Variants in ACBD5 observed in about 807,000 individuals in gnomAD.
ACBD5 encodes the protein acyl-CoA-binding domain-containing protein 5.
A neutral mutation model predicts 71.8 loss-of-function variants in ACBD5; 40 were observed. The observed-to-expected ratio is 0.56, with a 90% CI of 0.43 to 0.72. The LOEUF is 0.72. ACBD5 is among the 30% of genes least tolerant of loss of function. The probability of loss-of-function intolerance (pLI) is 0.00; values close to 1 mark genes in which losing one functional copy is unlikely to be tolerated. For missense variants in ACBD5, 559 were observed against 644.5 expected, an observed-to-expected ratio of 0.87 and a Z score of 1.44; for synonymous variants, 229 against 218.6, an observed-to-expected ratio of 1.05 and a Z score of -0.42.
At chr10:27,189,038 A>G (rs2058941332) in intron 13 of ACBD5, among the ~76,000 whole-genome samples, 1 of 152,232 alleles carries the variant, frequency 6.6e-6, no homozygotes, top group African/African-American at 2.4e-5. Flanking sequence ...AAGGCAGGAT[A>G]TAACTTCTCC....
chr10:27,214,666 T>G (rs2061439812), intron 8 of ACBD5, among the ~76,000 whole-genome samples: 1 of 152,248 alleles, frequency 6.6e-6, no homozygotes, highest in South Asian at 2.1e-4. Flanking sequence ...TACTGGATCT[T>G]AATTAACTGA....
intron 6 of ACBD5, among the ~76,000 whole-genome samples, chr10:27,219,367 T>C (rs909681862): frequency 2.0e-5 from 3 of 152,146 alleles, no homozygotes; most frequent in African/African-American, 7.2e-5. Flanking sequence ...CATTCTATTT[T>C]TGGTAAGATA....
chr10:27,215,298 T>C (rs1038598210), intron 8 of ACBD5, among the ~76,000 whole-genome samples: 3 of 152,138 alleles, frequency 2.0e-5, no homozygotes, highest in Admixed American at 6.5e-5. Context: ...TTTATAAATA[T>C]ATGTATATTA....
rs1292542514 is a variant in ACBD5, at chr10:27,211,013, G to T, written c.1005C>A (p.Pro335=). 6.2e-7 allele frequency: 1 copy of T among 1,614,018 alleles called. No individual in the cohort carries two copies. ...QYYLGGHSSQ[P]MENSGFREDI... The stretch of plus-strand genomic sequence containing the variant: ...CTTCACGAAATCCAGAATTTTCCAT[G>T]GGTTGACTGGAATGACCACCCAAGT... The change falls in exon 9 of 13, where the codon CCC becomes CCA. Residue 335 remains proline, a synonymous_variant. Coordinates refer to ENST00000396271, the MANE Select transcript of ACBD5 (RefSeq NM_145698.5).
intron 13 of ACBD5, among the ~76,000 whole-genome samples, chr10:27,185,786 C>CAAA (rs59621747): frequency 2.8e-5 from 4 of 141,288 alleles, no homozygotes; most frequent in African/African-American, 1.0e-4. Context: ...GACTCCATTT[C>CAAA]AAAAAAAAAA....
Position 27,240,251 on chromosome 10 carries a change from C to T in ACBD5, c.181+68G>A. The T allele has an allele frequency of 1.2e-6, 2 of 1,613,036 alleles. No individual in the cohort carries two copies. The highest frequency in any genetic ancestry group is 2.2e-5 in the South Asian group (2 of 91,006). On this transcript the variant is annotated intron_variant, in intron 2 of 12. Coordinates refer to ENST00000396271, the MANE Select transcript of ACBD5 (RefSeq NM_145698.5). This position sits in a 1 kb window ranked among gnomAD's most constrained non-coding sequence, Gnocchi z 4.1. ...AAGGCTAAATAAACAACACTAGAACCAGAAAGTGAAAGGGGGCTTTGGGGC... is the reference window on the plus strand; with the variant it reads ...AAGGCTAAATAAACAACACTAGAACTAGAAAGTGAAAGGGGGCTTTGGGGC...
At chr10:27,188,347 A>G (rs563919269) in intron 13 of ACBD5, among the ~76,000 whole-genome samples, 34 of 152,350 alleles carry the variant, frequency 2.2e-4, no homozygotes, top group East Asian at 1.3e-3. Flanking sequence ...GTAGAAAGAA[A>G]AAAAGTTTGG....
At chr10:27,239,060 G>A (rs1278725167) in intron 2 of ACBD5, among the ~76,000 whole-genome samples, 2 of 152,120 alleles carry the variant, frequency 1.3e-5, no homozygotes, top group African/African-American at 2.4e-5. Context: ...AGCCGGGCAT[G>A]GTGACGCACG....
At chr10:27,232,805 C>T (rs572793116) in intron 3 of ACBD5, among the ~76,000 whole-genome samples, 1 of 152,016 alleles carries the variant, frequency 6.6e-6, no homozygotes, top group Admixed American at 6.6e-5. Context: ...AATTTTTGCC[C>T]GACATGTAAA....
chr10:27,205,068 A>G (rs2060332968), intron 11 of ACBD5, 130 bp downstream of exon 11: 4 of 807,246 alleles, frequency 5.0e-6, no homozygotes, highest in Non-Finnish European at 3.9e-6. Context: ...CAGAGCTTGC[A>G]GTGAGCTGAG....
At chr10:27,191,815 G>C (rs1054289619), downstream of ACBD5, among the ~76,000 whole-genome samples, 58 of 152,110 alleles carry the variant, frequency 3.8e-4, 1 homozygote, top group Non-Finnish European at 1.5e-5. Flanking sequence ...TTGAACCCGG[G>C]AGGCAGAGGT....
intron 2 of ACBD5, among the ~76,000 whole-genome samples, chr10:27,237,602 G>T (rs2483489): frequency 0.95 from 143,531 of 150,564 alleles, 68,473 homozygotes; most frequent in East Asian, 1. Context: ...TCCAACACAA[G>T]TACCATTTGA....
At chr10:27,200,411 G>A (rs996854739) in intron 12 of ACBD5, among the ~76,000 whole-genome samples, 10 of 152,010 alleles carry the variant, frequency 6.6e-5, no homozygotes, top group Non-Finnish European at 1.3e-4. Flanking sequence ...AATGGGCAAT[G>A]AGCAGCCATT....
Position 27,218,181 on chromosome 10 carries a change from T to C in ACBD5, c.628A>G (p.Lys210Glu), listed in dbSNP as rs2061888889. 2 of 1,611,300 alleles carry C rather than the reference T, an allele frequency of 1.2e-6. No individual in the cohort carries two copies. Among genetic ancestry groups the C allele is most frequent in the Admixed American group, 3.3e-5 (2 of 59,998 alleles). The stretch of plus-strand genomic sequence containing the variant: ...TCTGCTGACTTCTTCATCATTTTCT[T>C]ATCTTTTACGAGAAAATGGGAAAGA... ...VKGAEQSDND[K>E]KMMKKSADHK... Residue 210 changes from lysine to glutamate, a missense_variant and splice_region_variant, in exon 7 of 13, where the codon AAG becomes GAG. Transcript: ENST00000396271.
intron 2 of ACBD5, among the ~76,000 whole-genome samples, chr10:27,235,796 T>C (rs1167544316): frequency 6.6e-6 from 1 of 152,198 alleles, no homozygotes; most frequent in Non-Finnish European, 1.5e-5. Context: ...TTCTAGCATA[T>C]CTATAGTTTT....
intron 13 of ACBD5, among the ~76,000 whole-genome samples, chr10:27,190,182 G>A (rs2059021568): frequency 6.6e-6 from 1 of 152,162 alleles, no homozygotes; most frequent in Admixed American, 6.5e-5. Context: ...CTGCTCGGGA[G>A]GCTGAAGCTG....
chr10:27,214,062 G>A (rs1775348), intron 8 of ACBD5, among the ~76,000 whole-genome samples: 26,936 of 152,094 alleles, frequency 0.18, 2,881 homozygotes, highest in East Asian at 0.29. Flanking sequence ...AATAAGCCAG[G>A]CATAGAAAGA....
chr10:27,225,077 CTT>C (rs369118936), intron 4 of ACBD5, among the ~76,000 whole-genome samples: 12 of 136,444 alleles, frequency 8.8e-5, no homozygotes, highest in Admixed American at 1.5e-4. Flanking sequence ...CGCTCTCTTT[CTT>C]TTTTTTTTTT....
chr10:27,186,657 T>C, intron 13 of ACBD5: 1 of 934,570 alleles, frequency 1.1e-6, no homozygotes, highest in Admixed American at 1.7e-5. Flanking sequence ...TTCAATGTGC[T>C]TTTAATGTAC....
Sources: allele counts gnomAD v4.1 joint callset (sites outside exome capture counted in the v4.1 genomes callset), GRCh38; gene constraint gnomAD v4.1.1; non-coding constraint Gnocchi (gnomAD v3.1); transcripts MANE v1.5; gene names NCBI Gene and HGNC (gene_info 2026-07-23, HGNC 2026-07-21).